IMMP2L: variants seen among roughly 807,000 people sequenced by gnomAD.
IMMP2L encodes inner mitochondrial membrane peptidase subunit 2, also known as mitochondrial inner membrane protease subunit 2.
A neutral mutation model predicts 19.3 loss-of-function variants in IMMP2L; 18 were observed. That is an observed-to-expected ratio of 0.93 (90% CI 0.64 to 1.38). The LOEUF (loss-of-function observed/expected upper bound fraction) is 1.38. Among genes scored for constraint, IMMP2L ranks in the 40% most tolerant of loss-of-function variants. The pLI, the probability that IMMP2L is intolerant of heterozygous loss-of-function variation, is 0.00. For synonymous variants in IMMP2L, 76 were observed against 73.0 expected, an observed-to-expected ratio of 1.04 and a Z score of -0.21; for missense variants, 233 against 218.2, an observed-to-expected ratio of 1.07 and a Z score of -0.43.
chr7:111,458,163 G>T (rs950195596), intron 3 of IMMP2L, among the ~76,000 whole-genome samples: 4 of 152,116 alleles, frequency 2.6e-5, no homozygotes, highest in Non-Finnish European at 5.9e-5. Context: ...TGGGTCACTG[G>T]AGGTCAGGAG....
At chr7:111,301,591 T>C (rs1822246466) in intron 3 of IMMP2L, among the ~76,000 whole-genome samples, 1 of 152,110 alleles carries the variant, frequency 6.6e-6, no homozygotes, top group South Asian at 2.1e-4. Flanking sequence ...CTTTCATATT[T>C]TGTATTTAAG....
intron 3 of IMMP2L, among the ~76,000 whole-genome samples, chr7:111,222,292 AAAC>A (rs1812601094): frequency 6.6e-6 from 1 of 151,938 alleles, no homozygotes; most frequent in Admixed American, 6.6e-5. Flanking sequence ...GAAAATTCCT[AAAC>A]AAGAAAAATA....
rs201206595 is a variant in IMMP2L at position 111,235,607 on chromosome 7, C to CT, written c.239+251630dup. Reference sequence around the variant, plus strand: ...TTGTTACTCTGTACCTGATACGTCTCTTTTTTTTGGCCTTCTTTTAAGATT... The same window carrying CT: ...TTGTTACTCTGTACCTGATACGTCTCTTTTTTTTTGGCCTTCTTTTAAGATT... On this transcript the variant is annotated intron_variant, in intron 3 of 5. Coordinates refer to ENST00000405709, the MANE Select transcript of IMMP2L (RefSeq NM_032549.4). Among the ~76,000 whole-genome samples the CT allele has an allele frequency of 3.9e-3, 585 of 151,702 alleles. 3 individuals carry two copies. Among genetic ancestry groups the CT allele is most frequent in the African/African-American group, 0.012 (506 of 41,390 alleles).
At chr7:111,237,160 T>C (rs1291028615) in intron 3 of IMMP2L, among the ~76,000 whole-genome samples, 1 of 152,180 alleles carries the variant, frequency 6.6e-6, no homozygotes, top group East Asian at 1.9e-4. Flanking sequence ...CCAGATATAA[T>C]GTCTCACACA....
At chr7:111,129,179 A>G (rs566770540) in intron 3 of IMMP2L, among the ~76,000 whole-genome samples, 2 of 152,186 alleles carry the variant, frequency 1.3e-5, no homozygotes, top group East Asian at 3.9e-4. Context: ...TCTCAATAAC[A>G]TATCTCACAG....
At chr7:110,729,408 A>G (rs2130807315) in intron 5 of IMMP2L, among the ~76,000 whole-genome samples, 1 of 152,262 alleles carries the variant, frequency 6.6e-6, no homozygotes, top group Middle Eastern at 3.4e-3. Flanking sequence ...ATCAGATCTC[A>G]GGAGAACTCA....
chr7:111,504,910 G>A (rs1484044393), intron 2 of IMMP2L, among the ~76,000 whole-genome samples: 1 of 151,912 alleles, frequency 6.6e-6, no homozygotes, highest in Non-Finnish European at 1.5e-5. Flanking sequence ...ACATAGGCAT[G>A]GGCAAGGACT....
At chr7:111,461,373 C>CA (rs916100186) in intron 3 of IMMP2L, among the ~76,000 whole-genome samples, 10 of 151,052 alleles carry the variant, frequency 6.6e-5, no homozygotes, top group Admixed American at 2.0e-4. Context: ...AAATTAAAAG[C>CA]AAAAAAAATC....
At chr7:111,201,284 A>G (rs1427452102) in intron 3 of IMMP2L, among the ~76,000 whole-genome samples, 1 of 152,132 alleles carries the variant, frequency 6.6e-6, no homozygotes, top group African/African-American at 2.4e-5. Context: ...AAATCCAAAA[A>G]AAAAAAAAAC....
chr7:110,978,515 T>TA lies in IMMP2L; in HGVS notation c.240-14951dup, dbSNP rs1006098107. Among the ~76,000 whole-genome samples, 43 of 151,204 alleles carry TA rather than the reference T, an allele frequency of 2.8e-4. 1 individual carries two copies. Among genetic ancestry groups the TA allele is most frequent in the African/African-American group, 5.6e-4 (23 of 41,304 alleles). ...TTACTATTTGCAATGTGGTTTCACT[T>TA]AAAAAAAAATCAATACAAAGAAACA... On this transcript the variant is annotated intron_variant, in intron 3 of 5. Coordinates refer to ENST00000405709, the MANE Select transcript of IMMP2L (RefSeq NM_032549.4).
At chr7:110,780,314 T>C (rs1323573058) in intron 5 of IMMP2L, among the ~76,000 whole-genome samples, 2 of 150,482 alleles carry the variant, frequency 1.3e-5, no homozygotes, top group Non-Finnish European at 3.0e-5. Flanking sequence ...TAGAAAAAGG[T>C]TTTTGTGTTA....
At chr7:111,477,795 G>A (rs1031184129) in intron 3 of IMMP2L, among the ~76,000 whole-genome samples, 8 of 152,084 alleles carry the variant, frequency 5.3e-5, no homozygotes, top group Admixed American at 2.6e-4. Flanking sequence ...CTACTCAGGA[G>A]GCTGAGGCAG....
intron 2 of IMMP2L, among the ~76,000 whole-genome samples, chr7:111,506,215 T>G (rs1270370040): frequency 6.7e-6 from 1 of 149,908 alleles, no homozygotes; most frequent in East Asian, 1.9e-4. Flanking sequence ...ATAATAATAA[T>G]AATAATATAA....
At chr7:111,317,813 T>A (rs1177779804) in intron 3 of IMMP2L, among the ~76,000 whole-genome samples, 1 of 152,154 alleles carries the variant, frequency 6.6e-6, no homozygotes, top group Non-Finnish European at 1.5e-5. Flanking sequence ...CTTTTCAAAG[T>A]CTGTGAATTT....
chr7:110,726,607 T>C (rs895736841), intron 5 of IMMP2L, among the ~76,000 whole-genome samples: 1 of 152,200 alleles, frequency 6.6e-6, no homozygotes, highest in African/African-American at 2.4e-5. Flanking sequence ...AAGTTATTGA[T>C]AAGCTGTGAT....
At chr7:111,487,005 T>C (rs1204168766) in intron 3 of IMMP2L, among the ~76,000 whole-genome samples, 2 of 152,164 alleles carry the variant, frequency 1.3e-5, no homozygotes, top group African/African-American at 4.8e-5. Flanking sequence ...CAACATTTCA[T>C]TAAATACATT....
intron 3 of IMMP2L, among the ~76,000 whole-genome samples, chr7:111,163,029 C>T (rs78329059): frequency 0.041 from 6,193 of 152,130 alleles, 182 homozygotes; most frequent in South Asian, 0.08. Context: ...TCTTATAGAG[C>T]AGTTGCTTTA....
At chr7:111,393,537 T>C (rs143537370) in intron 3 of IMMP2L, among the ~76,000 whole-genome samples, 97 of 152,328 alleles carry the variant, frequency 6.4e-4, no homozygotes, top group Admixed American at 4.8e-3. Flanking sequence ...CTGCAGTCTG[T>C]AAACTCTGCA....
At chr7:111,544,395 T>TA (rs890612506) in intron 1 of IMMP2L, among the ~76,000 whole-genome samples, 6 of 151,820 alleles carry the variant, frequency 4.0e-5, no homozygotes, top group Admixed American at 3.3e-4. Flanking sequence ...TAAAGTATAA[T>TA]AAAAAAAATT....
Sources: allele counts gnomAD v4.1 joint callset (sites outside exome capture counted in the v4.1 genomes callset), GRCh38; gene constraint gnomAD v4.1.1; transcripts MANE v1.5; gene names NCBI Gene and HGNC (gene_info 2026-07-23, HGNC 2026-07-21).